ASPA: variants seen among roughly 807,000 people sequenced by gnomAD.
ASPA encodes the protein aspartoacylase.
A neutral mutation model predicts 29.6 loss-of-function variants in ASPA; 25 were observed. The observed-to-expected ratio is 0.85, with a 90% CI of 0.62 to 1.18. The LOEUF is 1.18. Among genes scored for constraint, ASPA ranks in the 50% most tolerant of loss-of-function variants. The pLI, the probability that ASPA is intolerant of heterozygous loss-of-function variation, is 0.00. For synonymous variants in ASPA, 131 were observed against 130.3 expected, an observed-to-expected ratio of 1.01 and a Z score of -0.04; for missense variants, 333 against 385.7, an observed-to-expected ratio of 0.86 and a Z score of 1.14.
chr17:3,494,447 T>C lies in ASPA; in HGVS notation c.732T>C (p.His244=). Residue 244 remains histidine, a synonymous_variant, in exon 5 of 6, where the codon CAT becomes CAC. Coordinates refer to ENST00000263080, the MANE Select transcript of ASPA (RefSeq NM_000049.4). ...DENGEIAAII[H]PNLQDQDWKP... is the part of the protein sequence containing the mutation. ...ATGGAGAAATTGCTGCTATCATCCA[T>C]CCTAATCTGCAGGTAACATTTGTTC... is the stretch of plus-strand genomic sequence containing the variant. 6.2e-7 allele frequency: 1 copy of C among 1,603,180 alleles called. No individual in the cohort carries two copies. Among genetic ancestry groups the C allele is most frequent in the Non-Finnish European group, 8.5e-7 (1 of 1,169,914 alleles).
At chr17:3,477,614 G>A (rs370722279) in intron 1 of ASPA, among the ~76,000 whole-genome samples, 6 of 151,826 alleles carry the variant, frequency 4.0e-5, no homozygotes, top group South Asian at 2.1e-4. Context: ...CACCATGTCC[G>A]GGTAATTTTT....
Position 3,499,282 on chromosome 17 carries a change from T to G in ASPA, c.*194T>G. ...AGATATCATATTTTATGTATGTAGC[T>G]TATTCAAAGAAGTGTTTCCTATTTC... On this transcript the variant is annotated 3_prime_UTR_variant, in exon 6 of 6. Transcript: ENST00000263080. 1 of 499,660 alleles carries G rather than the reference T, an allele frequency of 2.0e-6. No homozygotes were observed. Among genetic ancestry groups the G allele is most frequent in the Non-Finnish European group, 3.4e-6 (1 of 290,226 alleles). 31.0% of individuals were successfully genotyped at this position (499,660 alleles called of 1,614,324 possible). A position where few individuals can be genotyped will look rare whatever the true frequency, so the allele number is the denominator to read the frequency against.
chr17:3,475,157 C>CT (rs746356144), upstream of ASPA, among the ~76,000 whole-genome samples: 1 of 152,216 alleles, frequency 6.6e-6, no homozygotes, highest in Non-Finnish European at 1.5e-5. Context: ...TTCTGGGTGA[C>CT]TGAGCATGAA....
Position 3,501,641 on chromosome 17 carries a change from G to A in ASPA, c.*2553G>A, listed in dbSNP as rs1273833455. 6.2e-6 allele frequency: 1 copy of A among 162,316 alleles called. No individual in the cohort carries two copies. The highest frequency in any genetic ancestry group is 2.4e-5 in the African/African-American group (1 of 41,610). The allele number at this position is 162,316 out of a possible 1,614,324, so 10.1% of individuals were successfully genotyped here. Reference sequence around the variant, plus strand: ...GATAAAGCAGCAGCAGGGTTTAAGAGGATTGACTCCTATTTTGAAATGAGT... The same window carrying A: ...GATAAAGCAGCAGCAGGGTTTAAGAAGATTGACTCCTATTTTGAAATGAGT... On this transcript the variant is annotated 3_prime_UTR_variant, in exon 6 of 6. Transcript: ENST00000263080.
In ASPA at chr17:3,503,035, CT is replaced by C; in HGVS notation, c.*3949del. 6.6e-6 allele frequency: 1 copy of C among 152,344 alleles called. No homozygotes were observed. The highest frequency in any genetic ancestry group is 1.5e-5 in the Non-Finnish European group (1 of 68,060). The allele number at this position is 152,344 out of a possible 1,614,324, so 9.4% of individuals were successfully genotyped here. A position where few individuals can be genotyped will look rare whatever the true frequency, so the allele number is the denominator to read the frequency against. On this transcript the variant is annotated 3_prime_UTR_variant, in exon 6 of 6. Coordinates refer to ENST00000263080, the MANE Select transcript of ASPA (RefSeq NM_000049.4). ...CCCATGATTCTTCTCCTCAAAGGAC[CT>C]TCTGCTGGACGCCGCCCCCTCCCTC...
intron 4 of ASPA, 65 bp downstream of exon 4, chr17:3,489,407 C>G: frequency 7.4e-7 from 1 of 1,353,952 alleles, no homozygotes; most frequent in East Asian, 2.3e-5. Flanking sequence ...CAATTGGAAC[C>G]TGGGTCAGAT....
intron 4 of ASPA, among the ~76,000 whole-genome samples, chr17:3,493,889 A>G (rs943177844): frequency 1.3e-5 from 2 of 152,168 alleles, no homozygotes; most frequent in African/African-American, 4.8e-5. Flanking sequence ...GCTGATAGGA[A>G]TCATTCAAGG....
At chr17:3,486,849 C>G (rs1327995640) in intron 3 of ASPA, among the ~76,000 whole-genome samples, 2 of 151,998 alleles carry the variant, frequency 1.3e-5, no homozygotes, top group Admixed American at 1.3e-4. Flanking sequence ...TTGTCCAAAC[C>G]AAAAATTAAT....
At position 3,499,078 on chromosome 17, in the gene ASPA, G is replaced by A. The variant is rs1464721895; in HGVS notation, c.932G>A (p.Cys311Tyr). ...LTLNAKSIRC[C>Y]LH The stretch of plus-strand genomic sequence containing the variant: ...CTCAATGCAAAAAGTATTCGCTGCT[G>A]TTTACATTAGAAATCACTTCCAGCT... Residue 311 changes from cysteine (C) to tyrosine (Y), a missense_variant, in exon 6 of 6, where the codon TGT becomes TAT. By Grantham distance (194) the Cys-to-Tyr change is radical. Coordinates refer to ENST00000263080, the MANE Select transcript of ASPA (RefSeq NM_000049.4). The A allele has an allele frequency of 6.2e-7, 1 of 1,613,822 alleles. No individual in the cohort carries two copies. The highest frequency in any genetic ancestry group is 1.7e-5 in the Admixed American group (1 of 59,996).
intron 3 of ASPA, among the ~76,000 whole-genome samples, chr17:3,486,769 C>A (rs1231104148): frequency 2.0e-5 from 3 of 152,100 alleles, no homozygotes; most frequent in African/African-American, 7.2e-5. Flanking sequence ...TAAAATTATT[C>A]TGGAAATTCA....
rs3837856 is a variant in ASPA at position 3,495,897 on chromosome 17, CTG to C, written c.744+1439_744+1440del. The stretch of plus-strand genomic sequence containing the variant: ...CAGTGTTTTAAAGGAAAGGTAAAGA[CTG>C]GGGGAGAGAAAGGAAGAAAGCACTA... On this transcript the variant is annotated intron_variant, in intron 5 of 5. Transcript: ENST00000263080. Among the ~76,000 whole-genome samples the C allele has an allele frequency of 0.019, 2,862 of 152,076 alleles. 155 individuals carry two copies. In the East Asian group the frequency reaches 0.22, roughly 12 times the overall value.
rs370385396 is a variant in ASPA at position 3,499,736 on chromosome 17, C to T, written c.*648C>T. The T allele has an allele frequency of 1.2e-4, 19 of 152,336 alleles. No individual in the cohort carries two copies. Among genetic ancestry groups the T allele is most frequent in the African/African-American group, 4.1e-4 (17 of 41,546 alleles). 9.4% of individuals were successfully genotyped at this position (152,336 alleles called of 1,614,324 possible). A position where few individuals can be genotyped will look rare whatever the true frequency, so the allele number is the denominator to read the frequency against. ...AGTTCTAACTGCTCTACTGACCGGC[C>T]ATTTCCTTGTCTCTCTCCCTGTCCT... On this transcript the variant is annotated 3_prime_UTR_variant, in exon 6 of 6. Transcript: ENST00000263080.
At chr17:3,476,534 A>G (rs1040546828) in intron 1 of ASPA, 139 bp downstream of exon 1, 18 of 826,352 alleles carry the variant, frequency 2.2e-5, no homozygotes, top group Non-Finnish European at 3.4e-5. Context: ...GATCACTTTC[A>G]CTTTTAATTA....
At position 3,477,920 on chromosome 17, in the gene ASPA, C is replaced by T. The variant is rs143968434; in HGVS notation, c.236+1525C>T. ...ATACATGGCCGGGCACAGTGGCTCA[C>T]ACCTGTAATCCCAACACTTTGGGAG... On this transcript the variant is annotated intron_variant, in intron 1 of 5. Coordinates refer to ENST00000263080, the MANE Select transcript of ASPA (RefSeq NM_000049.4). Among the ~76,000 whole-genome samples the T allele has an allele frequency of 8.3e-3, 1,259 of 151,986 alleles. 33 individuals are homozygous for T. The highest frequency in any genetic ancestry group is 0.055 in the Admixed American group (837 of 15,262).
At chr17:3,493,247 T>C (rs17175228) in intron 4 of ASPA, among the ~76,000 whole-genome samples, 35,183 of 152,034 alleles carry the variant, frequency 0.23, 4,255 homozygotes, top group Middle Eastern at 0.33. Flanking sequence ...TCAGGAGCTG[T>C]CCAAGTGTCT....
intron 5 of ASPA, among the ~76,000 whole-genome samples, chr17:3,495,114 G>A (rs564941954): frequency 6.6e-6 from 1 of 152,048 alleles, no homozygotes; most frequent in Non-Finnish European, 1.5e-5. Flanking sequence ...GCTCTTGAGA[G>A]AATGTAGGAG....
At chr17:3,496,928 T>C (rs895318407) in intron 5 of ASPA, among the ~76,000 whole-genome samples, 6 of 152,008 alleles carry the variant, frequency 3.9e-5, no homozygotes, top group African/African-American at 1.4e-4. Flanking sequence ...TAGCCGGGCA[T>C]GGTGGCAGGC....
intron 2 of ASPA, among the ~76,000 whole-genome samples, chr17:3,482,915 T>C (rs1419499092): frequency 6.6e-6 from 1 of 150,484 alleles, no homozygotes; most frequent in Non-Finnish European, 1.5e-5. Flanking sequence ...GCATTAGGTA[T>C]ATCTCCTAAT....
At chr17:3,477,418 A>G (rs146259907) in intron 1 of ASPA, among the ~76,000 whole-genome samples, 1 of 152,308 alleles carries the variant, frequency 6.6e-6, no homozygotes, top group East Asian at 1.9e-4. Flanking sequence ...CTGTGGATAT[A>G]ATATGACTCC....
Sources: gnomAD v4.1 joint callset for allele counts (sites outside exome capture counted in the v4.1 genomes callset) on GRCh38, gnomAD v4.1.1 for gene constraint, MANE v1.5 for transcripts, NCBI Gene and HGNC (gene_info 2026-07-23, HGNC 2026-07-21) for gene names.